PDGFD: variants seen among roughly 807,000 people sequenced by gnomAD.
The protein encoded by PDGFD is platelet derived growth factor D.
In PDGFD, 30 loss-of-function variants were observed where a neutral mutation model predicts 44.7. That is an observed-to-expected ratio of 0.67 (90% confidence interval 0.50 to 0.91). The LOEUF is 0.91. Ranked by LOEUF, PDGFD falls within the 40% of genes least tolerant of loss-of-function variation. PDGFD has a pLI of 0.00. For missense variants in PDGFD, 445 were observed against 457.8 expected (o/e 0.97, Z 0.25); for synonymous variants, 173 against 168.4 (o/e 1.03, Z -0.21).
chr11:103,969,394 T>G (rs1191958391), intron 3 of PDGFD, among the ~76,000 whole-genome samples: 1 of 151,776 alleles, frequency 6.6e-6, no homozygotes, highest in Non-Finnish European at 1.5e-5. Flanking sequence ...CATTTCTAAG[T>G]GTGTGACAAC....
chr11:104,122,123 A>G (rs1161546812), intron 1 of PDGFD, among the ~76,000 whole-genome samples: 1 of 152,014 alleles, frequency 6.6e-6, no homozygotes, highest in Non-Finnish European at 1.5e-5. Context: ...TTTTTCTAAC[A>G]AAGAGCAGCC....
At chr11:103,914,525 G>C (rs1484727517) in intron 6 of PDGFD, among the ~76,000 whole-genome samples, 1 of 151,958 alleles carries the variant, frequency 6.6e-6, no homozygotes, top group Non-Finnish European at 1.5e-5. Flanking sequence ...GAGGTACAAA[G>C]AGAAGCTGGT....
chr11:104,018,676 T>G (rs1859900027), intron 1 of PDGFD, among the ~76,000 whole-genome samples: 1 of 152,170 alleles, frequency 6.6e-6, no homozygotes, highest in Non-Finnish European at 1.5e-5. Context: ...CCAGCAAGGT[T>G]TGCACCAGTC....
chr11:104,158,314 C>T (rs1862337527), intron 1 of PDGFD, among the ~76,000 whole-genome samples: 1 of 152,190 alleles, frequency 6.6e-6, no homozygotes. Context: ...GTTCAGCCTC[C>T]TTGGTAGCTG....
intron 3 of PDGFD, among the ~76,000 whole-genome samples, chr11:103,952,022 C>T (rs1419529544): frequency 2.0e-5 from 3 of 152,130 alleles, no homozygotes; most frequent in African/African-American, 4.8e-5. Context: ...GGATAATGAT[C>T]AGCTGCTACT....
At chr11:104,110,617 A>T (rs1429247043) in intron 1 of PDGFD, among the ~76,000 whole-genome samples, 6 of 152,118 alleles carry the variant, frequency 3.9e-5, no homozygotes, top group Non-Finnish European at 8.8e-5. Context: ...AAGACCACAC[A>T]GTAGTTTGGT....
chr11:104,035,117 T>C lies in PDGFD; in HGVS notation c.125-34862A>G, dbSNP rs561832040. ...TGCCCAAATGTCAGAGAGAGGCATATTGGCCTCTAGGGTGGCATCCTTAAT... is the reference window on the plus strand; with the variant it reads ...TGCCCAAATGTCAGAGAGAGGCATACTGGCCTCTAGGGTGGCATCCTTAAT... On this transcript the variant is annotated intron_variant, in intron 1 of 6. Transcript: ENST00000393158. Among the ~76,000 whole-genome samples the C allele has an allele frequency of 2.6e-5, 4 of 152,210 alleles. No individual in the cohort carries two copies. In the South Asian group the frequency reaches 8.3e-4, roughly 32 times the overall value.
intron 1 of PDGFD, among the ~76,000 whole-genome samples, chr11:104,113,687 T>C (rs1444651904): frequency 6.6e-6 from 1 of 152,022 alleles, no homozygotes; most frequent in African/African-American, 2.4e-5. Flanking sequence ...CTTAGTCTTA[T>C]AAGAAAAACG....
intron 3 of PDGFD, among the ~76,000 whole-genome samples, chr11:103,987,486 T>C (rs1282830315): frequency 1.3e-5 from 2 of 152,158 alleles, no homozygotes; most frequent in South Asian, 2.1e-4. Context: ...TGTGTAAGTG[T>C]ACCCATGTTT....
intron 1 of PDGFD, among the ~76,000 whole-genome samples, chr11:104,109,972 C>T (rs932245059): frequency 2.6e-5 from 4 of 151,942 alleles, no homozygotes; most frequent in African/African-American, 9.7e-5. Flanking sequence ...ATAATAACAG[C>T]TCCTATCACA....
chr11:103,970,489 T>C (rs942886384), intron 3 of PDGFD, among the ~76,000 whole-genome samples: 1 of 152,126 alleles, frequency 6.6e-6, no homozygotes, highest in African/African-American at 2.4e-5. Context: ...ATCTGTCCAG[T>C]GCATTGATAA....
At chr11:104,116,995 A>T (rs1324385308) in intron 1 of PDGFD, among the ~76,000 whole-genome samples, 1 of 151,976 alleles carries the variant, frequency 6.6e-6, no homozygotes, top group Non-Finnish European at 1.5e-5. Flanking sequence ...GTATGTCTTT[A>T]TTAGCAGTGT....
chr11:104,099,652 A>AATG lies in PDGFD; in HGVS notation c.124+64151_124+64152insCAT, dbSNP rs1378790534. On this transcript the variant is annotated intron_variant, in intron 1 of 6. Transcript: ENST00000393158. ...TTTCAAAAACAATAATAATAATAAT[A>AATG]ATAATAATAATAATAATAATAATAA... Among the ~76,000 whole-genome samples the AATG allele has an allele frequency of 4.7e-5, 7 of 148,138 alleles. No individual in the cohort carries two copies. The South Asian group carries it at 1.5e-3, about 31-fold the overall frequency.
chr11:104,009,494 T>C (rs1413591654), intron 1 of PDGFD, among the ~76,000 whole-genome samples: 1 of 151,738 alleles, frequency 6.6e-6, no homozygotes, highest in African/African-American at 2.4e-5. Context: ...TCTGCACTCT[T>C]CCTCAAAGAA....
At chr11:104,005,528 C>T (rs1302018028) in intron 1 of PDGFD, among the ~76,000 whole-genome samples, 1 of 152,076 alleles carries the variant, frequency 6.6e-6, no homozygotes, top group African/African-American at 2.4e-5. Context: ...AGATAAGTAC[C>T]AAAGTATTAT....
chr11:104,000,353 C>T (rs995284510), intron 1 of PDGFD, 98 bp from the exon 2 acceptor site: 2 of 1,059,006 alleles, frequency 1.9e-6, no homozygotes, highest in African/African-American at 1.6e-5. Context: ...CTTCAAAACA[C>T]TTCTTTATTT....
intron 3 of PDGFD, among the ~76,000 whole-genome samples, chr11:103,948,062 T>C (rs1378086114): frequency 6.6e-6 from 1 of 152,192 alleles, no homozygotes; most frequent in South Asian, 2.1e-4. Context: ...ATCCTTACAT[T>C]ATAGGGCTGT....
chr11:104,006,127 C>T (rs1409482944), intron 1 of PDGFD, among the ~76,000 whole-genome samples: 1 of 152,148 alleles, frequency 6.6e-6, no homozygotes, highest in South Asian at 2.1e-4. Context: ...TCCCTGAAAT[C>T]CATCTAGACC....
chr11:104,009,567 G>A (rs961056490), intron 1 of PDGFD, among the ~76,000 whole-genome samples: 7 of 152,010 alleles, frequency 4.6e-5, no homozygotes, highest in African/African-American at 1.7e-4. Context: ...ACAATGTGCG[G>A]TGTTTTGTTG....
Sources: gnomAD v4.1 joint callset for allele counts (sites outside exome capture counted in the v4.1 genomes callset) on GRCh38, gnomAD v4.1.1 for gene constraint, MANE v1.5 for transcripts, NCBI Gene and HGNC (gene_info 2026-07-23, HGNC 2026-07-21) for gene names.